Variants in WDPCP observed in about 807,000 individuals in gnomAD.
WDPCP encodes the protein WD repeat containing planar cell polarity effector.
In WDPCP, 71 loss-of-function variants were observed where a neutral mutation model predicts 93.1. That is an observed-to-expected ratio of 0.76 (90% CI 0.63 to 0.93). WDPCP has a LOEUF of 0.93. WDPCP is among the 40% of genes least tolerant of loss of function. The probability of loss-of-function intolerance (pLI) is 0.00; values close to 1 mark genes in which losing one functional copy is unlikely to be tolerated. For synonymous variants in WDPCP, 315 were observed against 315.0 expected (o/e 1.00, Z 0.00); for missense variants, 844 against 887.4 (o/e 0.95, Z 0.62).
At chr2:63,413,414 A>C (rs955658087) in intron 9 of WDPCP, among the ~76,000 whole-genome samples, 9 of 152,290 alleles carry the variant, frequency 5.9e-5, no homozygotes, top group Non-Finnish European at 1.3e-4. Context: ...GAAACTATAA[A>C]AATTCTAGAA....
intron 2 of WDPCP, among the ~76,000 whole-genome samples, chr2:63,796,827 G>A (rs930115315): frequency 3.3e-5 from 5 of 152,216 alleles, no homozygotes; most frequent in African/African-American, 4.8e-5. Context: ...GGAGCCAGTG[G>A]ACTTGAGGGG....
At chr2:63,213,771 C>T (rs1258718707) in intron 14 of WDPCP, among the ~76,000 whole-genome samples, 5 of 151,724 alleles carry the variant, frequency 3.3e-5, no homozygotes, top group Non-Finnish European at 7.4e-5. Flanking sequence ...ATAGACACAA[C>T]AAAAATGATA....
At chr2:63,471,075 T>A (rs1314546952) in intron 6 of WDPCP, among the ~76,000 whole-genome samples, 2 of 152,182 alleles carry the variant, frequency 1.3e-5, no homozygotes, top group African/African-American at 4.8e-5. Flanking sequence ...CTTTTATTTT[T>A]CTCTAGTAGT....
intron 3 of WDPCP, chr2:63,599,334 A>C (rs1033148948): frequency 6.3e-6 from 10 of 1,579,826 alleles, no homozygotes; most frequent in Admixed American, 1.8e-5. Context: ...GTTCAACTTT[A>C]AAACATTTTT....
intron 3 of WDPCP, among the ~76,000 whole-genome samples, chr2:63,617,858 T>C (rs895099485): frequency 1.3e-5 from 2 of 152,244 alleles, no homozygotes; most frequent in African/African-American, 2.4e-5. Context: ...TATTTTAGAA[T>C]GGCATGTTCT....
intron 9 of WDPCP, among the ~76,000 whole-genome samples, chr2:63,433,079 AC>A (rs1696879517): frequency 6.6e-6 from 1 of 152,196 alleles, no homozygotes; most frequent in African/African-American, 2.4e-5. Flanking sequence ...TAACCAAAGT[AC>A]TAGTACAAAC....
intron 14 of WDPCP, among the ~76,000 whole-genome samples, chr2:63,231,831 T>C (rs1160869964): frequency 6.6e-6 from 1 of 152,096 alleles, no homozygotes; most frequent in Non-Finnish European, 1.5e-5. Context: ...AAAAAACTAC[T>C]TTAAAGTTCA....
intron 12 of WDPCP, among the ~76,000 whole-genome samples, chr2:63,366,403 GC>G (rs1374699040): frequency 6.6e-6 from 1 of 151,658 alleles, no homozygotes; most frequent in African/African-American, 2.4e-5. Flanking sequence ...CCTTTGAGAG[GC>G]AATAATGAAA....
At chr2:63,529,685 T>A (rs1343714867) in intron 1 of WDPCP, among the ~76,000 whole-genome samples, 1 of 152,168 alleles carries the variant, frequency 6.6e-6, no homozygotes, top group East Asian at 1.9e-4. Flanking sequence ...TCTTTTTTCG[T>A]TGTGTCTCTG....
At chr2:63,405,532 A>AGTGTGTGT (rs55807956) in intron 9 of WDPCP, among the ~76,000 whole-genome samples, 1,410 of 124,992 alleles carry the variant, frequency 0.011, 28 homozygotes, top group African/African-American at 0.021. Flanking sequence ...ATTTTGGTAT[A>AGTGTGTGT]GTGTGTGTGT....
intron 9 of WDPCP, among the ~76,000 whole-genome samples, chr2:63,422,856 T>TTC (rs374411203): frequency 3.2e-4 from 48 of 152,266 alleles, no homozygotes; most frequent in African/African-American, 1.0e-3. Flanking sequence ...ACACTACAGT[T>TTC]TCAACAGACA....
chr2:63,192,251 T>A (rs1675106725), intron 14 of WDPCP, among the ~76,000 whole-genome samples: 1 of 152,180 alleles, frequency 6.6e-6, no homozygotes, highest in Admixed American at 6.5e-5. Flanking sequence ...CTTAGACAAG[T>A]CATTTAATCT....
chr2:63,392,952 G>A (rs1431241652), intron 10 of WDPCP, among the ~76,000 whole-genome samples: 3 of 152,106 alleles, frequency 2.0e-5, no homozygotes, highest in South Asian at 2.1e-4. Flanking sequence ...ACTGTAAACT[G>A]GTTCAACCAT....
rs58378137 is a variant in WDPCP at position 63,703,565 on chromosome 2, GGTTTTGTTTTGTTTT to G, written n.309-52742_309-52728del. ...ATATCCTTTGCCCACTTTTTGATGG[GGTTTTGTTTTGTTTT>G]GTTTTGTTTTGTTTTGTTTTTGAGA... On this transcript the variant is annotated intron_variant and non_coding_transcript_variant, in intron 2 of 4. Coordinates refer to the WDPCP transcript ENST00000467687. 4.0e-5 allele frequency among the ~76,000 whole-genome samples: 6 copies of G among 151,104 alleles called. No homozygotes were observed. The South Asian group carries it at 6.3e-4, about 16-fold the overall frequency.
intron 1 of WDPCP, among the ~76,000 whole-genome samples, chr2:63,581,021 A>G (rs1183345626): frequency 3.9e-5 from 6 of 152,194 alleles, no homozygotes; most frequent in African/African-American, 1.2e-4. Context: ...TCTTTTTACT[A>G]TTCTTACAAT....
chr2:63,826,957 T>G (rs1334701652), intron 1 of WDPCP, among the ~76,000 whole-genome samples: 4 of 152,214 alleles, frequency 2.6e-5, no homozygotes, highest in Admixed American at 6.5e-5. Flanking sequence ...ATTTGGTATT[T>G]ATTTGACTTT....
At chr2:63,564,925 G>A (rs550756627) in intron 1 of WDPCP, among the ~76,000 whole-genome samples, 48 of 152,060 alleles carry the variant, frequency 3.2e-4, no homozygotes, top group Admixed American at 7.2e-4. Context: ...TTACAGGCGC[G>A]TGCCACCATA....
intron 12 of WDPCP, among the ~76,000 whole-genome samples, chr2:63,360,314 A>G (rs1210085249): frequency 2.6e-5 from 4 of 152,246 alleles, no homozygotes; most frequent in Non-Finnish European, 2.9e-5. Context: ...CTTAAGCACC[A>G]ATATTGCACA....
chr2:63,216,406 AGG>A (rs1677344499), intron 14 of WDPCP, among the ~76,000 whole-genome samples: 1 of 152,236 alleles, frequency 6.6e-6, no homozygotes, highest in Non-Finnish European at 1.5e-5. Context: ...TGTCCATTCT[AGG>A]GACATGGATG....
Sources: allele counts gnomAD v4.1 joint callset (sites outside exome capture counted in the v4.1 genomes callset), GRCh38; gene constraint gnomAD v4.1.1; transcripts MANE v1.5; gene names NCBI Gene and HGNC (gene_info 2026-07-23, HGNC 2026-07-21).